DNAH17: variants seen among roughly 807,000 people sequenced by gnomAD.
DNAH17 encodes the protein axonemal beta dynein heavy chain 17.
DNAH17 carries 376 observed loss-of-function variants against 485.6 expected under a neutral mutation model. The observed-to-expected ratio is 0.77, with a 90% CI of 0.71 to 0.84. The LOEUF (loss-of-function observed/expected upper bound fraction) is 0.84. Ranked by LOEUF, DNAH17 falls within the 40% of genes least tolerant of loss-of-function variation. DNAH17 has a pLI of 0.00. For missense variants in DNAH17, 6,370 were observed against 5,839.3 expected (o/e 1.09, Z -2.96); for synonymous variants, 3,031 against 2,405.9 (o/e 1.26, Z -7.60).
chr17:78,458,832 C>T, intron 61 of DNAH17, 152 bp from the exon 62 acceptor site: 4 of 1,014,932 alleles, frequency 3.9e-6, no homozygotes, highest in African/African-American at 1.6e-5. Flanking sequence ...CTAAGGACAC[C>T]AAGCGGCTCC....
rs1464907618 is a variant in DNAH17 at position 78,502,149 on chromosome 17, G to A, written c.5191-276C>T. ...AGAAGCAAAAACAGCTGACTTTAACGCCATCCAGAGTCTGTATATTTTTAC... is the reference window on the plus strand; with the variant it reads ...AGAAGCAAAAACAGCTGACTTTAACACCATCCAGAGTCTGTATATTTTTAC... On this transcript the variant is annotated intron_variant, in intron 33 of 80. Coordinates refer to ENST00000389840, the MANE Select transcript of DNAH17 (RefSeq NM_173628.4). 51 of 474,738 alleles carry A rather than the reference G, an allele frequency of 1.1e-4. No homozygotes were observed. In the Admixed American group the frequency reaches 1.7e-3, roughly 16 times the overall value. 29.4% of individuals were successfully genotyped at this position (474,738 alleles called of 1,614,324 possible). A position where few individuals can be genotyped will look rare whatever the true frequency, so the allele number is the denominator to read the frequency against.
At chr17:78,537,522 C>A in intron 18 of DNAH17, 41 bp from the exon 19 acceptor site, 1 of 1,600,808 alleles carries the variant, frequency 6.2e-7, no homozygotes, top group South Asian at 1.1e-5. Flanking sequence ...ACACCTCTGT[C>A]CTCCATCGGA....
intron 36 of DNAH17, chr17:78,499,757 G>A (rs1242284140): frequency 6.5e-6 from 1 of 152,720 alleles, no homozygotes; most frequent in Non-Finnish European, 1.5e-5. Context: ...GGGGAGGGGA[G>A]ACCCTCTGCA....
chr17:78,551,963 A>C (rs1297780097), intron 15 of DNAH17, among the ~76,000 whole-genome samples: 3 of 129,872 alleles, frequency 2.3e-5, no homozygotes, highest in Non-Finnish European at 5.0e-5. Flanking sequence ...ACTCTATCTC[A>C]GGAAAAAAAA....
At position 78,450,164 on chromosome 17, in the gene DNAH17, C is replaced by T. The variant is rs2087484078; in HGVS notation, c.11040+90G>A. The stretch of plus-strand genomic sequence containing the variant: ...CCTCTGAGGGTGGCCCTGGCACTGC[C>T]CGATGGCTGTGTGGGCAACAGGCCT... On this transcript the variant is annotated intron_variant, in intron 68 of 80. Coordinates refer to ENST00000389840, the MANE Select transcript of DNAH17 (RefSeq NM_173628.4). 3.3e-5 allele frequency: 50 copies of T among 1,507,276 alleles called. 1 individual carries two copies. In the South Asian group the frequency reaches 6.0e-4, roughly 18 times the overall value. 93.4% of individuals were successfully genotyped at this position (1,507,276 alleles called of 1,614,324 possible).
At chr17:78,555,099 G>C (rs919997337) in intron 14 of DNAH17, among the ~76,000 whole-genome samples, 1 of 152,170 alleles carries the variant, frequency 6.6e-6, no homozygotes, top group African/African-American at 2.4e-5. Context: ...AATGTTTTCT[G>C]ACCATTAACT....
At chr17:78,425,299 AGCACTG>A in intron 80 of DNAH17, 41 bp downstream of exon 80, 1 of 1,569,388 alleles carries the variant, frequency 6.4e-7, no homozygotes, top group Middle Eastern at 1.7e-4. Flanking sequence ...CTTGGCAAGT[AGCACTG>A]GCTCTGGAAG....
At chr17:78,424,678 A>G (rs1239359361) in intron 80 of DNAH17, 1 of 154,572 alleles carries the variant, frequency 6.5e-6, no homozygotes, top group East Asian at 1.9e-4. Flanking sequence ...TGTGTGGGAA[A>G]TGGGGTGCCT....
intron 7 of DNAH17, 143 bp from the exon 8 acceptor site, chr17:78,569,670 G>T: frequency 7.6e-6 from 8 of 1,056,546 alleles, no homozygotes; most frequent in East Asian, 2.7e-5. Flanking sequence ...CTGCTGGGCC[G>T]TTTTTAGGGG....
intron 42 of DNAH17, among the ~76,000 whole-genome samples, chr17:78,492,423 G>GCC (rs994615662): frequency 2.0e-5 from 3 of 152,084 alleles, no homozygotes; most frequent in African/African-American, 7.2e-5. Context: ...AGCTCCTGTG[G>GCC]CCCCCATTCC....
In DNAH17 at chr17:78,450,313, G is replaced by A; in HGVS notation, c.10981C>T (p.Leu3661Phe). The change falls in exon 68 of 81, where the codon CTC (leucine) becomes TTC (phenylalanine). Residue 3661 changes from leucine (L) to phenylalanine (F), a missense_variant. Coordinates refer to ENST00000389840, the MANE Select transcript of DNAH17 (RefSeq NM_173628.4). ...TTGAGATCGTTCAGTATGAAGTAGA[G>A]CAGAGATGCCCTCTCCGCAGCCGGG... ...YRPAAERASL[L>F]YFILNDLNKI... The A allele has an allele frequency of 6.2e-7, 1 of 1,614,014 alleles. No homozygotes were observed. Among genetic ancestry groups the A allele is most frequent in the East Asian group, 2.2e-5 (1 of 44,886 alleles).
intron 69 of DNAH17, among the ~76,000 whole-genome samples, chr17:78,447,455 CCT>C (rs2087357680): frequency 1.3e-5 from 2 of 152,154 alleles, no homozygotes; most frequent in Non-Finnish European, 1.5e-5. Context: ...AACCTGGCAC[CCT>C]CTGTCTCAGA....
chr17:78,460,348 G>GTGTGTGCATC (rs2088047308), intron 58 of DNAH17, 91 bp from the exon 59 acceptor site: 9 of 988,720 alleles, frequency 9.1e-6, no homozygotes, highest in Non-Finnish European at 1.4e-5. Context: ...GTGTGTGCAT[G>GTGTGTGCATC]TGTGTGCATG....
intron 14 of DNAH17, among the ~76,000 whole-genome samples, chr17:78,555,742 G>A (rs1233350950): frequency 1.3e-5 from 2 of 152,158 alleles, no homozygotes; most frequent in Non-Finnish European, 1.5e-5. Flanking sequence ...TTCTGGATGA[G>A]ATAAGCATTG....
At chr17:78,537,529 C>T (rs746369759) in intron 18 of DNAH17, 48 bp from the exon 19 acceptor site, 58 of 1,591,552 alleles carry the variant, frequency 3.6e-5, no homozygotes, top group African/African-American at 6.7e-5. Flanking sequence ...TGTCCTCCAT[C>T]GGATGATTCT....
chr17:78,458,904 G>T, intron 61 of DNAH17, 97 bp downstream of exon 61: 1 of 1,341,286 alleles, frequency 7.5e-7, no homozygotes, highest in Non-Finnish European at 1.1e-6. Flanking sequence ...ATTCATGACG[G>T]CGGGCCGTGC....
chr17:78,570,125 G>A (rs2092330278), intron 7 of DNAH17, 122 bp downstream of exon 7: 3 of 1,174,462 alleles, frequency 2.6e-6, no homozygotes, highest in East Asian at 2.6e-5. Context: ...GAAAAGGCTT[G>A]TGCTGACATC....
At chr17:78,572,678 C>T (rs376898627) in intron 3 of DNAH17, 23 bp downstream of exon 3, 18 of 1,573,452 alleles carry the variant, frequency 1.1e-5, no homozygotes, top group Middle Eastern at 1.7e-4. Flanking sequence ...CAGCGGCAGC[C>T]GGAAGCAGCT....
chr17:78,574,608 A>C, intron 2 of DNAH17, 105 bp downstream of exon 2: 1 of 994,442 alleles, frequency 1.0e-6, no homozygotes, highest in East Asian at 2.5e-5. Context: ...CCGGCTCTGC[A>C]GCTGCTGCTG....
Sources: allele counts gnomAD v4.1 joint callset (sites outside exome capture counted in the v4.1 genomes callset), GRCh38; gene constraint gnomAD v4.1.1; transcripts MANE v1.5; gene names NCBI Gene and HGNC (gene_info 2026-07-23, HGNC 2026-07-21).